The following SRGAP2 variants were observed in gnomAD, a reference collection of about 807,000 sequenced individuals.
SRGAP2 encodes SLIT-ROBO Rho GTPase-activating protein 2.
A neutral mutation model predicts 57.2 loss-of-function variants in SRGAP2; 15 were observed. The ratio of observed to expected loss-of-function variants is 0.26; its 90% CI spans 0.18 to 0.40. The LOEUF is 0.40. Ranked by LOEUF, SRGAP2 falls within the 10% of genes least tolerant of loss-of-function variation. The probability of loss-of-function intolerance (pLI) is 1.00; values close to 1 mark genes in which losing one functional copy is unlikely to be tolerated. For missense variants in SRGAP2, 520 were observed against 669.6 expected, an observed-to-expected ratio of 0.78 and a Z score of 2.47; for synonymous variants, 249 against 248.0, an observed-to-expected ratio of 1.00 and a Z score of -0.04.
At chr1:206,311,686 AGG>A (rs1553324212) in intron 3 of SRGAP2, among the ~76,000 whole-genome samples, 3 of 151,690 alleles carry the variant, frequency 2.0e-5, no homozygotes, top group African/African-American at 4.8e-5. Context: ...GCCAGGCGAC[AGG>A]GTTCGGGCTT....
intron 2 of SRGAP2, among the ~76,000 whole-genome samples, chr1:206,264,163 A>G (rs1185186341): frequency 6.6e-6 from 1 of 151,580 alleles, no homozygotes; most frequent in Non-Finnish European, 1.5e-5. Context: ...AGCTTTGTTT[A>G]TGTGCTGTGT....
intron 22 of SRGAP2, among the ~76,000 whole-genome samples, chr1:206,459,645 C>T (rs1184702663): frequency 1.3e-5 from 2 of 152,178 alleles, no homozygotes; most frequent in African/African-American, 2.4e-5. Context: ...TTCACTCAGA[C>T]GTCTCTCCCA....
intron 3 of SRGAP2, chr1:206,333,229 A>C: frequency 1.4e-6 from 1 of 691,806 alleles, no homozygotes; most frequent in Non-Finnish European, 2.6e-6. Context: ...ATGGAAATGC[A>C]GAAATCACCC....
chr1:206,430,085 G>C, intron 13 of SRGAP2, 77 bp from the exon 14 acceptor site: 1 of 774,686 alleles, frequency 1.3e-6, no homozygotes, highest in Non-Finnish European at 2.4e-6. Flanking sequence ...AGTTCTGCAC[G>C]GTTTGGCCCG....
At chr1:206,344,045 A>G (rs1361700692) in intron 4 of SRGAP2, among the ~76,000 whole-genome samples, 4 of 152,118 alleles carry the variant, frequency 2.6e-5, no homozygotes, top group Middle Eastern at 3.2e-3. Context: ...GAGAGAAAAG[A>G]CTGGTAAACA....
At chr1:206,458,222 C>T (rs1663995062) in intron 21 of SRGAP2, 1 of 392,468 alleles carries the variant, frequency 2.5e-6, no homozygotes, top group African/African-American at 2.1e-5. Context: ...TATCCTCTTA[C>T]CAGCAATCTT....
chr1:206,446,990 C>G (rs1258807586), intron 18 of SRGAP2, among the ~76,000 whole-genome samples: 1 of 152,158 alleles, frequency 6.6e-6, no homozygotes, highest in Non-Finnish European at 1.5e-5. Flanking sequence ...GTAGCTGCAA[C>G]CCAGAAAGGC....
intron 2 of SRGAP2, among the ~76,000 whole-genome samples, chr1:206,229,891 T>A (rs1667513790): frequency 6.6e-6 from 1 of 151,264 alleles, no homozygotes; most frequent in Admixed American, 6.6e-5. Context: ...GCAGTTCTTC[T>A]GGTTATACGT....
chr1:206,340,276 A>G (rs569544911), intron 3 of SRGAP2, among the ~76,000 whole-genome samples: 1,396 of 128,446 alleles, frequency 0.011, 25 homozygotes, highest in South Asian at 0.023. Flanking sequence ...CTTCCTTTTG[A>G]TCTGCGGTCT....
At chr1:206,300,926 G>A (rs1365256835) in intron 2 of SRGAP2, among the ~76,000 whole-genome samples, 1 of 150,728 alleles carries the variant, frequency 6.6e-6, no homozygotes, top group African/African-American at 2.4e-5. Context: ...CATTACAGGG[G>A]ACTCAGAGGG....
chr1:206,426,566 G>A (rs986792729), intron 13 of SRGAP2, among the ~76,000 whole-genome samples: 12 of 152,036 alleles, frequency 7.9e-5, no homozygotes, highest in African/African-American at 1.4e-4. Context: ...GTTTTTTTGC[G>A]GTAGCTGTTC....
At chr1:206,328,294 A>G in intron 3 of SRGAP2, among the ~76,000 whole-genome samples, 1 of 109,538 alleles carries the variant, frequency 9.1e-6, no homozygotes, top group Non-Finnish European at 1.7e-5. Context: ...TTATAGCAGC[A>G]TGATTTATAG....
chr1:206,314,116 T>TTTTG (rs1553325250), intron 3 of SRGAP2, among the ~76,000 whole-genome samples: 2 of 149,142 alleles, frequency 1.3e-5, no homozygotes, highest in Non-Finnish European at 3.0e-5. Flanking sequence ...TTTTTTTTTT[T>TTTTG]TTGTTGTTGT....
intron 12 of SRGAP2, 58 bp downstream of exon 12, chr1:206,419,458 C>G (rs999726486): frequency 1.3e-5 from 10 of 779,778 alleles, no homozygotes; most frequent in Middle Eastern, 2.3e-4. Flanking sequence ...GTAGAGCAAT[C>G]TTACTCTGGG....
intron 2 of SRGAP2, among the ~76,000 whole-genome samples, chr1:206,259,560 C>T (rs1553313118): frequency 6.7e-6 from 1 of 148,794 alleles, no homozygotes; most frequent in Non-Finnish European, 1.5e-5. Flanking sequence ...TGATCTCAAA[C>T]TCCTGGGCTC....
At chr1:206,363,744 C>T (rs1360926742) in intron 4 of SRGAP2, among the ~76,000 whole-genome samples, 1 of 152,144 alleles carries the variant, frequency 6.6e-6, no homozygotes, top group Non-Finnish European at 1.5e-5. Flanking sequence ...TCAGTTTAAG[C>T]AATTTTGGCA....
At chr1:206,361,399 C>T (rs1346320768) in intron 4 of SRGAP2, among the ~76,000 whole-genome samples, 1 of 152,188 alleles carries the variant, frequency 6.6e-6, no homozygotes, top group Non-Finnish European at 1.5e-5. Context: ...ATTTGACTTT[C>T]CCAGACTCCC....
chr1:206,454,083 C>T lies in SRGAP2; in HGVS notation c.2360+703C>T. 1.4e-6 allele frequency: 1 copy of T among 702,218 alleles called. No individual in the cohort carries two copies. The highest frequency in any genetic ancestry group is 1.7e-5 in the African/African-American group (1 of 57,374). The allele number at this position is 702,218 out of a possible 1,614,324, so 43.5% of individuals were successfully genotyped here. ...TTGCCCTGTCTCTGTCCCCAGCTCC[C>T]CTCCCTTGGATACGATGCTGTCAGT... On this transcript the variant is annotated intron_variant, in intron 20 of 22. Coordinates refer to ENST00000573034, the MANE Select transcript of SRGAP2 (RefSeq NM_015326.5). This position sits in a 1 kb window ranked among gnomAD's most constrained non-coding sequence, Gnocchi z 4.3.
chr1:206,427,691 G>A (rs539298315), intron 13 of SRGAP2, among the ~76,000 whole-genome samples: 6 of 152,282 alleles, frequency 3.9e-5, no homozygotes, highest in Admixed American at 2.0e-4. Context: ...CAGACCCATC[G>A]CACTTGACAG....
Sources: allele counts gnomAD v4.1 joint callset (sites outside exome capture counted in the v4.1 genomes callset), GRCh38; gene constraint gnomAD v4.1.1; non-coding constraint Gnocchi (gnomAD v3.1); transcripts MANE v1.5; gene names NCBI Gene and HGNC (gene_info 2026-07-23, HGNC 2026-07-21).